Variants in VWA5B2 observed in about 807,000 individuals in gnomAD.
VWA5B2 encodes the protein von Willebrand factor A domain-containing protein 5B2.
Under a neutral mutation model 118.5 loss-of-function variants are expected in VWA5B2, and 93 were observed. That is an observed-to-expected ratio of 0.79 (90% confidence interval 0.66 to 0.93). The LOEUF is 0.93. Ranked by LOEUF, VWA5B2 falls within the 40% of genes least tolerant of loss-of-function variation. The pLI, the probability that VWA5B2 is intolerant of heterozygous loss-of-function variation, is 0.00. For missense variants in VWA5B2, 1,546 were observed against 1,672.8 expected (o/e 0.92, Z 1.32); for synonymous variants, 708 against 716.3 (o/e 0.99, Z 0.19).
Position 184,235,765 on chromosome 3 carries a change from C to G in VWA5B2, c.1102-387C>G, listed in dbSNP as rs534618433. Among the ~76,000 whole-genome samples, 5 of 152,216 alleles carry G rather than the reference C, an allele frequency of 3.3e-5. No individual in the cohort carries two copies. In the South Asian group the frequency reaches 1.0e-3, roughly 32 times the overall value. On this transcript the variant is annotated intron_variant, in intron 8 of 19. Transcript: ENST00000691901. Reference sequence around the variant, plus strand: ...CCATGTGTACCTCCAGAGTCCCACACACAGCCATGTACACCTCCAGAGTCC... The same window carrying G: ...CCATGTGTACCTCCAGAGTCCCACAGACAGCCATGTACACCTCCAGAGTCC...
At chr3:184,240,661 C>A in intron 16 of VWA5B2, 130 bp from the exon 17 acceptor site, 1 of 1,304,546 alleles carries the variant, frequency 7.7e-7, no homozygotes, top group Non-Finnish European at 1.0e-6. Context: ...TGGTTCTGGG[C>A]CTAGCAAGGC....
chr3:184,235,402 C>G, intron 8 of VWA5B2, 94 bp downstream of exon 8: 1 of 1,379,168 alleles, frequency 7.3e-7, no homozygotes, highest in South Asian at 1.4e-5. Context: ...CAGGAGTTAC[C>G]TTGTTGCTTC....
In VWA5B2 at chr3:184,233,890, C is replaced by T. The variant is rs1717677336; in HGVS notation, c.688+157C>T. Among the ~76,000 whole-genome samples the T allele has an allele frequency of 6.6e-6, 1 of 152,208 alleles. No individual in the cohort carries two copies. Among genetic ancestry groups the T allele is most frequent in the African/African-American group, 2.4e-5 (1 of 41,446 alleles). ...TCTGGGTTAGTGGTGGGAGCATCCCCTGGTCACCTCTACCCAACACACACA... is the reference window on the plus strand; with the variant it reads ...TCTGGGTTAGTGGTGGGAGCATCCCTTGGTCACCTCTACCCAACACACACA... On this transcript the variant is annotated intron_variant, in intron 5 of 19. Transcript: ENST00000691901. This position sits in a 1 kb window ranked among gnomAD's most constrained non-coding sequence, Gnocchi z 5.2.
At position 184,241,242 on chromosome 3, in the gene VWA5B2, C is replaced by T. The variant is rs1233700839; in HGVS notation, c.3018C>T (p.Ser1006=). The change falls in exon 19 of 20, where the codon TCC becomes TCT. Residue 1006 remains serine, a synonymous_variant. Coordinates refer to ENST00000691901, the MANE Select transcript of VWA5B2 (RefSeq NM_001390846.1). The surrounding 1 kb of genome is among the most constrained non-coding windows in gnomAD (Gnocchi z 5.1). ...GAWDSDQNGN[S]KRALGDPATP... ...GGGACTCGGACCAAAATGGCAACTC[C>T]AAGCGTGCTTTGGGGGACCCTGCCA... 10 of 1,551,106 alleles carry T rather than the reference C, an allele frequency of 6.4e-6. No homozygotes were observed. The highest frequency in any genetic ancestry group is 3.9e-5 in the Admixed American group (2 of 50,952).
rs1196456567 is a variant in VWA5B2 at position 184,238,421 on chromosome 3, G to A, written c.1838G>A (p.Gly613Asp). 6.4e-7 allele frequency: 1 copy of A among 1,550,682 alleles called. No individual in the cohort carries two copies. The highest frequency in any genetic ancestry group is 1.4e-5 in the African/African-American group (1 of 73,028). The change falls in exon 13 of 20, where the codon GGC becomes GAC. Residue 613 changes from glycine to aspartate, a missense_variant. Gly to Asp is a moderately conservative substitution (Grantham distance 94). Around this residue, in one of 3 missense-constraint regions of VWA5B2, gnomAD observed 775 missense variants for 882.3 expected, o/e 0.88. Transcript: ENST00000691901. The surrounding 1 kb of genome is among the most constrained non-coding windows in gnomAD (Gnocchi z 5.0). ...PTGTSEPLGT[G>D]TVSAELSSPW... ...GGCACCTCAGAGCCACTGGGAACAG[G>A]CACTGTCTCAGCAGAACTGTCCAGC...
chr3:184,231,658 A>G (rs1032046794), intron 3 of VWA5B2, among the ~76,000 whole-genome samples: 1 of 152,242 alleles, frequency 6.6e-6, no homozygotes, highest in African/African-American at 2.4e-5. Flanking sequence ...CACCTCACAC[A>G]GAACCTGGCA....
At chr3:184,229,833 G>C (rs1246276595) in intron 1 of VWA5B2, among the ~76,000 whole-genome samples, 120 bp downstream of exon 1, 1 of 152,152 alleles carries the variant, frequency 6.6e-6, no homozygotes, top group Non-Finnish European at 1.5e-5. Flanking sequence ...GCCGGGGTAG[G>C]GAGCGGTAAC....
At position 184,230,415 on chromosome 3, in the gene VWA5B2, G is replaced by A. The variant is rs1373537954; in HGVS notation, c.-114G>A. Reference sequence around the variant, plus strand: ...TCGGCCTCGCGCCCCGGCAGGCCCCGTCCGGGTGCTGGAGTGAGACTCTCG... The same window carrying A: ...TCGGCCTCGCGCCCCGGCAGGCCCCATCCGGGTGCTGGAGTGAGACTCTCG... On this transcript the variant is annotated 5_prime_UTR_variant, in exon 2 of 20. Coordinates refer to ENST00000691901, the MANE Select transcript of VWA5B2 (RefSeq NM_001390846.1). 6.5e-6 allele frequency: 8 copies of A among 1,227,588 alleles called. No individual in the cohort carries two copies. In the East Asian group the frequency reaches 1.7e-4, roughly 26 times the overall value. 76.0% of individuals were successfully genotyped at this position (1,227,588 alleles called of 1,614,324 possible).
At chr3:184,231,955 G>A (rs549434968) in intron 3 of VWA5B2, among the ~76,000 whole-genome samples, 1 of 152,288 alleles carries the variant, frequency 6.6e-6, no homozygotes, top group South Asian at 2.1e-4. Flanking sequence ...GCAAGAAAGG[G>A]TAGGACTCAG....
rs1337702192 is a variant in VWA5B2, at chr3:184,233,174, A to G, written c.311-4A>G. On this transcript the variant is annotated splice_region_variant and splice_polypyrimidine_tract_variant and intron_variant, in intron 3 of 19. Transcript: ENST00000691901. This position sits in a 1 kb window ranked among gnomAD's most constrained non-coding sequence, Gnocchi z 5.2. The stretch of plus-strand genomic sequence containing the variant: ...GCTCTGACCCCATTTCTCACCCATC[A>G]TAGGTCATCTTGTCTTGGATCTGGC... 15 of 1,549,732 alleles carry G rather than the reference A, an allele frequency of 9.7e-6. No homozygotes were observed. Among genetic ancestry groups the G allele is most frequent in the Non-Finnish European group, 1.3e-5 (15 of 1,146,320 alleles).
chr3:184,236,079 T>G (rs1717946934), intron 8 of VWA5B2, 73 bp from the exon 9 acceptor site: 2 of 1,328,246 alleles, frequency 1.5e-6, no homozygotes, highest in Admixed American at 4.0e-5. Flanking sequence ...GATAACGCAG[T>G]GATCTGGCTT....
intron 3 of VWA5B2, among the ~76,000 whole-genome samples, chr3:184,232,254 A>T (rs1020431841): frequency 1.3e-5 from 2 of 152,058 alleles, no homozygotes; most frequent in African/African-American, 4.8e-5. Context: ...CACCACAATC[A>T]CAGAGTTATT....
chr3:184,230,337 C>A (rs1439919944), intron 1 of VWA5B2, 43 bp from the exon 2 acceptor site: 4 of 620,196 alleles, frequency 6.4e-6, no homozygotes, highest in Non-Finnish European at 9.8e-6. Flanking sequence ...CTCGCCACCA[C>A]GCCTGCCGCC....
chr3:184,229,739 C>T (rs115688283), intron 1 of VWA5B2, among the ~76,000 whole-genome samples, 26 bp downstream of exon 1: 5,002 of 152,202 alleles, frequency 0.033, 273 homozygotes, highest in African/African-American at 0.11. Context: ...CCACAGGGAG[C>T]GGGGCGATCC....
chr3:184,231,007 T>TC lies in VWA5B2; in HGVS notation c.310+92dup, dbSNP rs1377529655. On this transcript the variant is annotated intron_variant, in intron 3 of 19. Transcript: ENST00000691901. ...CTCGGCCTCCGCCCGTCCCCCGCCT[T>TC]CCTCCGGGCACTGCCTTGTGCATTC... The TC allele has an allele frequency of 5.9e-5, 70 of 1,193,194 alleles. No homozygotes were observed. In the African/African-American group the frequency reaches 1.1e-3, roughly 18 times the overall value. The allele number at this position is 1,193,194 out of a possible 1,614,324, so 73.9% of individuals were successfully genotyped here. A position where few individuals can be genotyped will look rare whatever the true frequency, so the allele number is the denominator to read the frequency against.
At position 184,238,555 on chromosome 3, in the gene VWA5B2, C is replaced by G. The variant is rs1324994010; in HGVS notation, c.1892-8C>G. Reference sequence around the variant, plus strand: ...AGGGCTAGGGCCCATTCTACTGCCTCCCAGCAGGTACTGATGCTCTGACAG... The same window carrying G: ...AGGGCTAGGGCCCATTCTACTGCCTGCCAGCAGGTACTGATGCTCTGACAG... On this transcript the variant is annotated splice_region_variant and splice_polypyrimidine_tract_variant and intron_variant, in intron 13 of 19. Transcript: ENST00000691901. This position sits in a 1 kb window ranked among gnomAD's most constrained non-coding sequence, Gnocchi z 5.0. The G allele has an allele frequency of 6.5e-7, 1 of 1,543,200 alleles. No individual in the cohort carries two copies. The highest frequency in any genetic ancestry group is 8.8e-7 in the Non-Finnish European group (1 of 1,140,306).
chr3:184,234,389 A>G lies in VWA5B2; in HGVS notation c.812A>G (p.His271Arg). The G allele has an allele frequency of 6.4e-7, 1 of 1,551,628 alleles. No homozygotes were observed. The highest frequency in any genetic ancestry group is 1.2e-5 in the South Asian group (1 of 84,050). ...GACCGGGCCTTGGAGATCCTGCTGCACCCCAGTGGTGAGAGACTGGGACAC... is the reference window on the plus strand; with the variant it reads ...GACCGGGCCTTGGAGATCCTGCTGCGCCCCAGTGGTGAGAGACTGGGACAC... The part of the protein sequence containing the change: ...HCDRALEILL[H>R]PSEPHQPHLM... Residue 271 changes from histidine (H) to arginine (R), a missense_variant, in exon 6 of 20, where the codon CAC becomes CGC. By Grantham distance (29) the His-to-Arg change is conservative. Coordinates refer to ENST00000691901, the MANE Select transcript of VWA5B2 (RefSeq NM_001390846.1).
At chr3:184,230,697 G>A in intron 2 of VWA5B2, 30 bp downstream of exon 2, 1 of 1,227,256 alleles carries the variant, frequency 8.1e-7, no homozygotes, top group Non-Finnish European at 1.0e-6. Flanking sequence ...CGGGCGCGGC[G>A]GGGGGTGCGC....
At chr3:184,240,578 C>T in intron 16 of VWA5B2, 1 of 640,892 alleles carries the variant, frequency 1.6e-6, no homozygotes, top group East Asian at 2.8e-5. Flanking sequence ...TCTGGGCAGC[C>T]AGGGGGCTCT....
Sources: gnomAD v4.1 joint callset for allele counts (sites outside exome capture counted in the v4.1 genomes callset) on GRCh38, gnomAD v4.1.1 for gene constraint, gnomAD v4.1.1 regional missense constraint, Gnocchi (gnomAD v3.1) non-coding constraint, MANE v1.5 for transcripts, NCBI Gene and HGNC (gene_info 2026-07-23, HGNC 2026-07-21) for gene names.